Variants in HERC3 observed in about 807,000 individuals in gnomAD.
HERC3 encodes probable E3 ubiquitin-protein ligase HERC3.
HERC3 carries 58 observed loss-of-function variants against 129.9 expected under a neutral mutation model. The ratio of observed to expected loss-of-function variants is 0.45; its 90% CI spans 0.36 to 0.56. HERC3 has a LOEUF of 0.56. Ranked by LOEUF, HERC3 falls within the 20% of genes least tolerant of loss-of-function variation. The probability of loss-of-function intolerance (pLI) is 0.00; values close to 1 mark genes in which losing one functional copy is unlikely to be tolerated. For synonymous variants in HERC3, 430 were observed against 451.0 expected (o/e 0.95, Z 0.59); for missense variants, 835 against 1,244.2 (o/e 0.67, Z 4.95).
At chr4:88,680,457 G>C (rs1732648205) in intron 20 of HERC3, among the ~76,000 whole-genome samples, 1 of 152,172 alleles carries the variant, frequency 6.6e-6, no homozygotes, top group Non-Finnish European at 1.5e-5. Flanking sequence ...TCCATTTCTA[G>C]TAGGTAAGAT....
chr4:88,545,989 A>G, the HERC3 span, among the ~76,000 whole-genome samples: 1 of 152,164 alleles, frequency 6.6e-6, no homozygotes, highest in Non-Finnish European at 1.5e-5. Flanking sequence ...CTCTTTAGGG[A>G]AAAAAATCAC....
chr4:88,548,716 A>C, the HERC3 span, among the ~76,000 whole-genome samples: 2 of 149,858 alleles, frequency 1.3e-5, no homozygotes, highest in African/African-American at 4.9e-5. Context: ...GCTGGAGGGC[A>C]GTGGCACCAT....
Position 88,707,285 on chromosome 4 carries a change from A to C in HERC3, c.*325A>C. 1 of 281,578 alleles carries C rather than the reference A, an allele frequency of 3.6e-6. No individual in the cohort carries two copies. The highest frequency in any genetic ancestry group is 6.8e-6 in the Non-Finnish European group (1 of 147,100). 17.4% of individuals were successfully genotyped at this position (281,578 alleles called of 1,614,324 possible). ...AAATGGCAGTGGATTTTTAAACTTT[A>C]ATTTCCCAAATGTCTCTCTCAGCCC... is the stretch of plus-strand genomic sequence containing the variant. On this transcript the variant is annotated 3_prime_UTR_variant, in exon 26 of 26. Transcript: ENST00000402738.
At chr4:88,634,646 C>CT (rs1727161822) in intron 3 of HERC3, among the ~76,000 whole-genome samples, 1 of 150,276 alleles carries the variant, frequency 6.7e-6, no homozygotes. Context: ...AGCCAAAGTG[C>CT]TTTGTTAAAT....
At chr4:88,618,826 C>G (rs1725202385) in intron 3 of HERC3, among the ~76,000 whole-genome samples, 1 of 152,224 alleles carries the variant, frequency 6.6e-6, no homozygotes, top group Non-Finnish European at 1.5e-5. Flanking sequence ...TACCATTTAA[C>G]TGCCTTGATT....
At position 88,679,127 on chromosome 4, in the gene HERC3, A is replaced by G. The variant is rs966283162; in HGVS notation, c.2197-966A>G. Among the ~76,000 whole-genome samples the G allele has an allele frequency of 3.9e-5, 6 of 152,234 alleles. No homozygotes were observed. The South Asian group carries it at 8.3e-4, about 21-fold the overall frequency. On this transcript the variant is annotated intron_variant, in intron 19 of 25. Transcript: ENST00000402738. ...AGTCATTATCTATGAAATGGGGATG[A>G]TAATAGTACCCTATGCATAAGGCTG...
intron 21 of HERC3, among the ~76,000 whole-genome samples, chr4:88,684,073 C>T (rs1016876248): frequency 6.6e-6 from 1 of 152,152 alleles, no homozygotes; most frequent in African/African-American, 2.4e-5. Flanking sequence ...CAGTACTATT[C>T]CCATCAAGCT....
the HERC3 span, among the ~76,000 whole-genome samples, chr4:88,540,674 A>T: frequency 6.6e-6 from 1 of 152,204 alleles, no homozygotes; most frequent in Admixed American, 6.5e-5. Context: ...ATGAAGGAAA[A>T]AATGTTAAGG....
upstream of HERC3, among the ~76,000 whole-genome samples, chr4:88,591,190 G>T (rs1721685625): frequency 6.6e-6 from 1 of 152,098 alleles, no homozygotes; most frequent in South Asian, 2.1e-4. Flanking sequence ...ACCGCGCCTG[G>T]CCATCCCCAG....
the HERC3 span, among the ~76,000 whole-genome samples, chr4:88,577,835 T>G: frequency 2.0e-5 from 3 of 152,280 alleles, no homozygotes; most frequent in South Asian, 6.2e-4. Flanking sequence ...CAAATTAGTT[T>G]CTGGCCCTAT....
At chr4:88,562,884 G>A in the HERC3 span, among the ~76,000 whole-genome samples, 1 of 152,072 alleles carries the variant, frequency 6.6e-6, no homozygotes, top group African/African-American at 2.4e-5. Flanking sequence ...GCCCGTCCCA[G>A]GCTGCTTTGG....
chr4:88,605,585 ACTT>A (rs1171940682), intron 2 of HERC3, among the ~76,000 whole-genome samples: 5 of 152,146 alleles, frequency 3.3e-5, no homozygotes, highest in Non-Finnish European at 7.3e-5. Context: ...ATTTATTTAA[ACTT>A]CTTTTTTAAA....
At chr4:88,540,677 T>C in the HERC3 span, among the ~76,000 whole-genome samples, 2 of 151,776 alleles carry the variant, frequency 1.3e-5, no homozygotes, top group Non-Finnish European at 2.9e-5. Flanking sequence ...AAGGAAAAAA[T>C]GTTAAGGGCA....
At chr4:88,683,087 T>A (rs1362816490) in intron 21 of HERC3, among the ~76,000 whole-genome samples, 1 of 152,218 alleles carries the variant, frequency 6.6e-6, no homozygotes, top group Non-Finnish European at 1.5e-5. Flanking sequence ...TGATGAGCAT[T>A]TTTTCATGTG....
At chr4:88,554,282 T>C in the HERC3 span, among the ~76,000 whole-genome samples, 1 of 150,158 alleles carries the variant, frequency 6.7e-6, no homozygotes, top group African/African-American at 2.5e-5. Flanking sequence ...GAGGTGGAGT[T>C]TGCAATGACC....
chr4:88,663,690 AGCACTT>A, intron 11 of HERC3, among the ~76,000 whole-genome samples: 1 of 152,210 alleles, frequency 6.6e-6, no homozygotes, highest in East Asian at 1.9e-4. Context: ...AATGGGAATA[AGCACTT>A]GTTTCACTAT....
intron 23 of HERC3, among the ~76,000 whole-genome samples, chr4:88,701,605 G>T (rs1352089798): frequency 6.6e-6 from 1 of 152,044 alleles, no homozygotes; most frequent in East Asian, 1.9e-4. Context: ...ATTTGCTTCA[G>T]ATTTTTTAAT....
At chr4:88,549,862 G>C in the HERC3 span, among the ~76,000 whole-genome samples, 1 of 152,148 alleles carries the variant, frequency 6.6e-6, no homozygotes, top group African/African-American at 2.4e-5. Flanking sequence ...TTCAAGGCAT[G>C]ATAGAAATCT....
chr4:88,568,833 A>G, the HERC3 span, among the ~76,000 whole-genome samples: 2 of 151,820 alleles, frequency 1.3e-5, no homozygotes, highest in Non-Finnish European at 2.9e-5. Context: ...CTGGTACCCA[A>G]GTTGCAAGAC....
Sources: allele counts gnomAD v4.1 joint callset (sites outside exome capture counted in the v4.1 genomes callset), GRCh38; gene constraint gnomAD v4.1.1; transcripts MANE v1.5; gene names NCBI Gene and HGNC (gene_info 2026-07-23, HGNC 2026-07-21).